Variants in SPATA3 observed in about 807,000 individuals in gnomAD.
The protein encoded by SPATA3 is spermatogenesis-associated protein 3.
Under a neutral mutation model 5.7 loss-of-function variants are expected in SPATA3, and 6 were observed. The observed-to-expected ratio is 1.06, with a 90% CI of 0.58 to 2.09. SPATA3 has a LOEUF of 2.09. Among genes scored for constraint, SPATA3 ranks in the 30% most tolerant of loss-of-function variants. The pLI, the probability that SPATA3 is intolerant of heterozygous loss-of-function variation, is 0.00. For missense variants in SPATA3, 155 were observed against 130.4 expected (o/e 1.19, Z -0.92); for synonymous variants, 44 against 48.4 (o/e 0.91, Z 0.37).
At chr2:231,016,409 G>A (rs189916286) in intron 6 of SPATA3, among the ~76,000 whole-genome samples, 75 of 151,742 alleles carry the variant, frequency 4.9e-4, no homozygotes, top group East Asian at 1.7e-3. Flanking sequence ...AGGTCCTGGC[G>A]GGGCATGGTG....
At chr2:231,000,382 C>A (rs1256833678) in exon 2 of SPATA3, 2 of 1,518,616 alleles carry the variant, frequency 1.3e-6, no homozygotes, top group South Asian at 1.2e-5. Flanking sequence ...TGATTCGCGC[C>A]GGCCCGCATT....
At chr2:230,998,611 GC>G (rs1237357402) in intron 1 of SPATA3, among the ~76,000 whole-genome samples, 1 of 152,234 alleles carries the variant, frequency 6.6e-6, no homozygotes, top group African/African-American at 2.4e-5. Flanking sequence ...ATGAGGGCCT[GC>G]AAGTAAAGCG....
At chr2:231,010,211 C>T (rs1480299929), downstream of SPATA3, among the ~76,000 whole-genome samples, 2 of 152,234 alleles carry the variant, frequency 1.3e-5, no homozygotes, top group African/African-American at 2.4e-5. Context: ...TTTATGTGTA[C>T]ACATGGGAGC....
chr2:231,000,553 G>T lies in SPATA3; in HGVS notation c.962+16G>T, dbSNP rs556156372. ...CCTTCTACAGGTTCCAAGCGCGAGG[G>T]GCTGGAGCCTCGGGGCACACAGTCC... On this transcript the variant is annotated intron_variant, in intron 2 of 2. Coordinates refer to ENST00000645363, the Ensembl canonical transcript of SPATA3. The T allele has an allele frequency of 2.0e-6, 3 of 1,497,348 alleles. No individual in the cohort carries two copies. Among genetic ancestry groups the T allele is most frequent in the East Asian group, 2.5e-5 (1 of 39,440 alleles). The allele number at this position is 1,497,348 out of a possible 1,614,324, so 92.8% of individuals were successfully genotyped here.
At chr2:231,019,488 T>C (rs1018118525) in intron 6 of SPATA3, among the ~76,000 whole-genome samples, 2 of 148,140 alleles carry the variant, frequency 1.4e-5, no homozygotes, top group African/African-American at 5.0e-5. Context: ...CACGCCTGGC[T>C]AATTTTTTTG....
downstream of SPATA3, among the ~76,000 whole-genome samples, chr2:231,005,169 TCAC>T (rs1692520664): frequency 5.8e-5 from 2 of 34,574 alleles, no homozygotes; most frequent in Non-Finnish European, 1.3e-4. Flanking sequence ...ATCACCATCA[TCAC>T]CATCATCATC....
chr2:231,005,335 C>T (rs1574665295), downstream of SPATA3, among the ~76,000 whole-genome samples: 2 of 91,746 alleles, frequency 2.2e-5, no homozygotes, highest in Admixed American at 1.0e-4. Flanking sequence ...CCATCATCAC[C>T]ATCACCATCA....
At chr2:231,017,141 T>C (rs1194678488) in intron 6 of SPATA3, among the ~76,000 whole-genome samples, 1 of 152,164 alleles carries the variant, frequency 6.6e-6, no homozygotes, top group Admixed American at 6.5e-5. Flanking sequence ...CTGGCTACGA[T>C]ATTAGTTAGA....
At chr2:231,009,678 T>G (rs968766381), downstream of SPATA3, among the ~76,000 whole-genome samples, 2 of 152,244 alleles carry the variant, frequency 1.3e-5, no homozygotes, top group African/African-American at 2.4e-5. Flanking sequence ...AACGACCACA[T>G]GCCGGAGTCC....
At chr2:231,012,733 A>C (rs1692820804) in intron 5 of SPATA3, 1 of 152,050 alleles carries the variant, frequency 6.6e-6, no homozygotes, top group African/African-American at 2.4e-5. Flanking sequence ...TGCCTAAGAG[A>C]AGTGGAATAG....
At chr2:231,010,123 G>A (rs1435408757), downstream of SPATA3, among the ~76,000 whole-genome samples, 1 of 152,256 alleles carries the variant, frequency 6.6e-6, no homozygotes. Context: ...AGTTATAGGG[G>A]CCAAGGCCCT....
intron 6 of SPATA3, among the ~76,000 whole-genome samples, chr2:231,019,409 C>CACCAGGAAGGCCTTCTAAAATTG (rs1470268106): frequency 4.2e-4 from 63 of 149,914 alleles, no homozygotes; most frequent in East Asian, 2.7e-3. Flanking sequence ...CTGCAAGCTC[C>CACCAGGAAGGCCTTCTAAAATTG]GCCTCCCGGG....
At chr2:230,998,105 G>A (rs1396024082) in intron 1 of SPATA3, among the ~76,000 whole-genome samples, 2 of 152,150 alleles carry the variant, frequency 1.3e-5, no homozygotes, top group African/African-American at 2.4e-5. Flanking sequence ...CTCTGTCCGA[G>A]CATCTCCTGG....
intron 2 of SPATA3, 79 bp downstream of exon 2, chr2:231,000,616 C>T: frequency 7.8e-7 from 1 of 1,280,260 alleles, no homozygotes; most frequent in Non-Finnish European, 1.0e-6. Context: ...TATTAGCAAT[C>T]ATGTATCACT....
chr2:231,013,549 G>A (rs1574675294), intron 5 of SPATA3, among the ~76,000 whole-genome samples: 2 of 151,508 alleles, frequency 1.3e-5, no homozygotes, highest in Middle Eastern at 3.4e-3. Flanking sequence ...GGAGTGCAAT[G>A]GCACAACCTC....
downstream of SPATA3, among the ~76,000 whole-genome samples, chr2:231,012,007 C>T (rs1052788271): frequency 1.3e-5 from 2 of 152,246 alleles, no homozygotes; most frequent in African/African-American, 4.8e-5. Flanking sequence ...TCCCAAGATG[C>T]ATTCCGGTCC....
At chr2:231,002,868 T>C (rs1692406190), downstream of SPATA3, 14 of 946,604 alleles carry the variant, frequency 1.5e-5, no homozygotes, top group East Asian at 3.8e-4. Context: ...AGGTGGTCTC[T>C]TCAGGTGGAC....
chr2:231,014,417 G>C (rs1047257992), intron 6 of SPATA3, among the ~76,000 whole-genome samples: 3 of 152,202 alleles, frequency 2.0e-5, no homozygotes, highest in African/African-American at 7.2e-5. Context: ...CTGTAATAGA[G>C]TAGTTTCTAA....
rs770986328 is a variant in SPATA3, at chr2:230,996,503, C to T, written c.791-3863C>T. On this transcript the variant is annotated intron_variant, in intron 1 of 2. Transcript: ENST00000645363. The stretch of plus-strand genomic sequence containing the variant: ...GCTGCCTTTTATCTCCAGATGCTAA[C>T]GTGAAGGCAGCCCCTCAATCCAGGA... The T allele has an allele frequency of 2.3e-5, 36 of 1,552,076 alleles. No homozygotes were observed. The African/African-American group carries it at 2.9e-4, about 12-fold the overall frequency.
Sources: gnomAD v4.1 joint callset for allele counts (sites outside exome capture counted in the v4.1 genomes callset) on GRCh38, gnomAD v4.1.1 for gene constraint, MANE v1.5 for transcripts, NCBI Gene and HGNC (gene_info 2026-07-23, HGNC 2026-07-21) for gene names.